IKBIP: variants seen among roughly 807,000 people sequenced by gnomAD.
IKBIP encodes the protein IKBKB interacting protein, also known as inhibitor of nuclear factor kappa-B kinase-interacting protein.
A neutral mutation model predicts 31.0 loss-of-function variants in IKBIP; 28 were observed. That is an observed-to-expected ratio of 0.90 (90% CI 0.67 to 1.24). The LOEUF (loss-of-function observed/expected upper bound fraction) is 1.24, where lower values mean the gene tolerates loss of function less well. Ranked by LOEUF, IKBIP falls within the 50% of genes most tolerant of loss-of-function variation. IKBIP has a pLI of 0.00. For missense variants in IKBIP, 453 were observed against 441.9 expected (o/e 1.03, Z -0.23); for synonymous variants, 164 against 160.3 (o/e 1.02, Z -0.17).
exon 3 of IKBIP, chr12:98,613,439 G>GC: frequency 2.0e-6 from 1 of 507,486 alleles, no homozygotes; most frequent in Non-Finnish European, 3.3e-6. Flanking sequence ...AAATCAACCT[G>GC]TTTTAAAGTT....
rs1236408157 is a variant in IKBIP at position 98,625,721 on chromosome 12, G to A, written c.*209C>T. 1 of 303,458 alleles carries A rather than the reference G, an allele frequency of 3.3e-6. No individual in the cohort carries two copies. The highest frequency in any genetic ancestry group is 5.8e-5 in the East Asian group (1 of 17,322). 18.8% of individuals were successfully genotyped at this position (303,458 alleles called of 1,614,324 possible). Reference sequence around the variant, plus strand: ...TTAAAAGTAGAGAAATATTTTTAAAGAACTATTTCTATTTCAAATAGTTAC... The same window carrying A: ...TTAAAAGTAGAGAAATATTTTTAAAAAACTATTTCTATTTCAAATAGTTAC... On this transcript the variant is annotated 3_prime_UTR_variant, in exon 3 of 3. Transcript: ENST00000299157.
intron 2 of IKBIP, among the ~76,000 whole-genome samples, chr12:98,627,916 T>C (rs868481925): frequency 6.6e-6 from 1 of 152,164 alleles, no homozygotes; most frequent in Admixed American, 6.6e-5. Flanking sequence ...AACAATGAAT[T>C]AAAAAACAGT....
intron 2 of IKBIP, among the ~76,000 whole-genome samples, chr12:98,616,740 T>C (rs1010621023): frequency 6.6e-6 from 1 of 152,204 alleles, no homozygotes; most frequent in African/African-American, 2.4e-5. Flanking sequence ...ATTAAAGAGA[T>C]GTCCTTTCCC....
At position 98,626,010 on chromosome 12, in the gene IKBIP, T is replaced by C; in HGVS notation, c.1054A>G (p.Ile352Val). 6.4e-7 allele frequency: 1 copy of C among 1,553,406 alleles called. No individual in the cohort carries two copies. Among genetic ancestry groups the C allele is most frequent in the Non-Finnish European group, 8.7e-7 (1 of 1,146,364 alleles). The change falls in exon 3 of 3, where the codon ATA becomes GTA. Residue 352 changes from isoleucine (I) to valine (V), a missense_variant. Coordinates refer to ENST00000299157, the MANE Select transcript of IKBIP (RefSeq NM_153687.4). Reference sequence around the variant, plus strand: ...TTTTCTCCTGTACTTGAGTATGCTATAAAATCATGAACTTTTTCTTTTAGA... The same window carrying C: ...TTTTCTCCTGTACTTGAGTATGCTACAAAATCATGAACTTTTTCTTTTAGA... ...DILKEKVHDF[I>V]AYSSTGEKGT...
chr12:98,633,810 C>G (rs1372798667), intron 2 of IKBIP, among the ~76,000 whole-genome samples: 1 of 152,172 alleles, frequency 6.6e-6, no homozygotes, highest in African/African-American at 2.4e-5. Flanking sequence ...AGCCACTACT[C>G]CCAGCCTAGG....
At chr12:98,635,341 C>A (rs1479794708) in intron 1 of IKBIP, among the ~76,000 whole-genome samples, 2 of 152,012 alleles carry the variant, frequency 1.3e-5, no homozygotes, top group Non-Finnish European at 2.9e-5. Context: ...AAGTGATCCT[C>A]CCCTCAGCCT....
chr12:98,626,327 T>C lies in IKBIP; in HGVS notation c.737A>G (p.His246Arg), dbSNP rs147717030. ...ATCTTCATCTCTGGCAAAGAGGGCA[T>C]GCTGTTCCTCTTCTAACTTTTCAAT... ...KAIEKLEEEQ[H>R]ALFARDEDLT... Residue 246 changes from histidine (H) to arginine (R), a missense_variant, in exon 3 of 3, where the codon CAT becomes CGT. Physicochemically the swap from His to Arg is conservative, Grantham distance 29 (BLOSUM62 0). Coordinates refer to ENST00000299157, the MANE Select transcript of IKBIP (RefSeq NM_153687.4). 1 of 1,614,154 alleles carries C rather than the reference T, an allele frequency of 6.2e-7. No individual in the cohort carries two copies. Among genetic ancestry groups the C allele is most frequent in the Non-Finnish European group, 8.5e-7 (1 of 1,179,980 alleles).
At chr12:98,619,886 A>T (rs2097608717), downstream of IKBIP, among the ~76,000 whole-genome samples, 1 of 150,910 alleles carries the variant, frequency 6.6e-6, no homozygotes, top group Non-Finnish European at 1.5e-5. Context: ...AAAAAAAAAA[A>T]AAAAAAAAAG....
exon 3 of IKBIP, chr12:98,613,907 T>G (rs139404302): frequency 6.2e-7 from 1 of 1,613,812 alleles, no homozygotes; most frequent in South Asian, 1.1e-5. Flanking sequence ...GGTTAGCGTC[T>G]TCTTAACAGA....
At chr12:98,613,565 C>G in exon 3 of IKBIP, 1 of 1,315,980 alleles carries the variant, frequency 7.6e-7, no homozygotes. Flanking sequence ...TTACCTTAGT[C>G]TAATCTCAAT....
Position 98,625,635 on chromosome 12 carries a change from GA to G in IKBIP, c.*294del, listed in dbSNP as rs2097613521. On this transcript the variant is annotated 3_prime_UTR_variant, in exon 3 of 3. Coordinates refer to ENST00000299157, the MANE Select transcript of IKBIP (RefSeq NM_153687.4). ...TATATGTGGGTACAATATAATAGGTGAAATTAATGATGATGTTCATTAATGC... is the reference window on the plus strand; with the variant it reads ...TATATGTGGGTACAATATAATAGGTGAATTAATGATGATGTTCATTAATGC... The G allele has an allele frequency of 5.8e-6, 1 of 172,858 alleles. No homozygotes were observed. The highest frequency in any genetic ancestry group is 2.4e-5 in the African/African-American group (1 of 42,390). 10.7% of individuals were successfully genotyped at this position (172,858 alleles called of 1,614,324 possible). A position where few individuals can be genotyped will look rare whatever the true frequency, so the allele number is the denominator to read the frequency against.
Position 98,624,700 on chromosome 12 carries a change from G to A in IKBIP, c.*1230C>T, listed in dbSNP as rs1052308925. ...AAAACAAATTTAGTGGTGTGGTTTGGGAAATCTTTAAAATGACGTATTTTT... is the reference window on the plus strand; with the variant it reads ...AAAACAAATTTAGTGGTGTGGTTTGAGAAATCTTTAAAATGACGTATTTTT... On this transcript the variant is annotated 3_prime_UTR_variant, in exon 3 of 3. Transcript: ENST00000299157. 9 of 891,022 alleles carry A rather than the reference G, an allele frequency of 1.0e-5. No individual in the cohort carries two copies. Among genetic ancestry groups the A allele is most frequent in the Non-Finnish European group, 9.4e-6 (7 of 744,228 alleles). 55.2% of individuals were successfully genotyped at this position (891,022 alleles called of 1,614,324 possible).
rs1033119866 is a variant in IKBIP at position 98,624,439 on chromosome 12, C to T, written c.*1491G>A. 1.0e-6 allele frequency: 1 copy of T among 985,114 alleles called. No homozygotes were observed. Among genetic ancestry groups the T allele is most frequent in the African/African-American group, 1.7e-5 (1 of 57,242 alleles). The allele number at this position is 985,114 out of a possible 1,614,324, so 61.0% of individuals were successfully genotyped here. A position where few individuals can be genotyped will look rare whatever the true frequency, so the allele number is the denominator to read the frequency against. On this transcript the variant is annotated 3_prime_UTR_variant, in exon 3 of 3. Transcript: ENST00000299157. ...ATTCACGCTGTCTACCACAGGCCCT[C>T]CTAACTCCAGTGGAGAAGGAGTTTG...
At chr12:98,641,333 A>G (rs1469493103) in intron 1 of IKBIP, among the ~76,000 whole-genome samples, 1 of 152,216 alleles carries the variant, frequency 6.6e-6, no homozygotes, top group Non-Finnish European at 1.5e-5. Flanking sequence ...CAGTACGGAA[A>G]GCATTTAATA....
intron 2 of IKBIP, among the ~76,000 whole-genome samples, chr12:98,628,426 C>T (rs115643723): frequency 0.026 from 3,935 of 152,286 alleles, 157 homozygotes; most frequent in African/African-American, 0.087. Context: ...TTTCCTAATA[C>T]TTCTAGGATA....
chr12:98,626,154 T>A lies in IKBIP; in HGVS notation c.910A>T (p.Met304Leu). 6.2e-7 allele frequency: 1 copy of A among 1,613,020 alleles called. No homozygotes were observed. The highest frequency in any genetic ancestry group is 8.5e-7 in the Non-Finnish European group (1 of 1,179,280). Reference protein sequence around the residue: ...EKKMEDLTMQMFNMEDDMLKA... With the variant: ...EKKMEDLTMQLFNMEDDMLKA... The stretch of plus-strand genomic sequence containing the variant: ...AGCATATCATCTTCCATATTAAACA[T>A]CTGCATAGTCAAGTCTTCCATTTTC... The change falls in exon 3 of 3, where the codon ATG becomes TTG. Residue 304 changes from methionine (M) to leucine (L), a missense_variant. Physicochemically the swap from Met to Leu is conservative, Grantham distance 15. Coordinates refer to ENST00000299157, the MANE Select transcript of IKBIP (RefSeq NM_153687.4).
rs538711085 is a variant in IKBIP, at chr12:98,624,587, G to C, written c.*1343C>G. 88 of 940,470 alleles carry C rather than the reference G, an allele frequency of 9.4e-5. No homozygotes were observed. The African/African-American group carries it at 1.6e-3, about 17-fold the overall frequency. The allele number at this position is 940,470 out of a possible 1,614,324, so 58.3% of individuals were successfully genotyped here. On this transcript the variant is annotated 3_prime_UTR_variant, in exon 3 of 3. Transcript: ENST00000299157. ...CATCAAAAACTGCATTATAAAACTG[G>C]TAAGGTTATTGACAAAGAAACAAGA...
intron 2 of IKBIP, among the ~76,000 whole-genome samples, chr12:98,629,701 A>C (rs1300838690): frequency 6.6e-6 from 1 of 152,160 alleles, no homozygotes. Flanking sequence ...AACCATTAAC[A>C]TGGTTAGGTT....
In IKBIP at chr12:98,625,195, A is replaced by G; in HGVS notation, c.*735T>C. 1 of 981,414 alleles carries G rather than the reference A, an allele frequency of 1.0e-6. No individual in the cohort carries two copies. Among genetic ancestry groups the G allele is most frequent in the Non-Finnish European group, 1.2e-6 (1 of 826,224 alleles). The allele number at this position is 981,414 out of a possible 1,614,324, so 60.8% of individuals were successfully genotyped here. On this transcript the variant is annotated 3_prime_UTR_variant, in exon 3 of 3. Transcript: ENST00000299157. ...AACTCAGGTATATAAAGATATTTCAAAGATTTATATACACATAATTCCTAA... is the reference window on the plus strand; with the variant it reads ...AACTCAGGTATATAAAGATATTTCAGAGATTTATATACACATAATTCCTAA...
Sources: gnomAD v4.1 joint callset for allele counts (sites outside exome capture counted in the v4.1 genomes callset) on GRCh38, gnomAD v4.1.1 for gene constraint, MANE v1.5 for transcripts, NCBI Gene and HGNC (gene_info 2026-07-23, HGNC 2026-07-21) for gene names.